The following PRKG1 variants were observed in gnomAD, a reference collection of about 807,000 sequenced individuals.
The protein encoded by PRKG1 is protein kinase cGMP-dependent 1, also known as cGMP-dependent protein kinase 1.
In PRKG1, 35 loss-of-function variants were observed where a neutral mutation model predicts 88.1. That is an observed-to-expected ratio of 0.40 (90% CI 0.30 to 0.53). The LOEUF is 0.53. Ranked by LOEUF, PRKG1 falls within the 20% of genes least tolerant of loss-of-function variation. The probability of loss-of-function intolerance (pLI) is 0.59; values close to 1 mark genes in which losing one functional copy is unlikely to be tolerated. For synonymous variants in PRKG1, 303 were observed against 292.5 expected (o/e 1.04, Z -0.37); for missense variants, 540 against 839.8 (o/e 0.64, Z 4.41).
At chr10:52,232,959 A>G (rs1840561102) in intron 9 of PRKG1, among the ~76,000 whole-genome samples, 1 of 152,224 alleles carries the variant, frequency 6.6e-6, no homozygotes, top group South Asian at 2.1e-4. Flanking sequence ...GAATCCAATC[A>G]GATACTGTCT....
intron 7 of PRKG1, among the ~76,000 whole-genome samples, chr10:52,088,251 CT>C (rs1041086823): frequency 6.6e-6 from 1 of 151,260 alleles, no homozygotes; most frequent in Non-Finnish European, 1.5e-5. Context: ...ATGCCTTGTT[CT>C]TTTTAATGAC....
chr10:51,848,609 T>A (rs1840463342), intron 4 of PRKG1, among the ~76,000 whole-genome samples: 1 of 151,578 alleles, frequency 6.6e-6, no homozygotes, highest in African/African-American at 2.4e-5. Flanking sequence ...GGAGTAGAGT[T>A]CCATTAATTC....
intron 1 of PRKG1, among the ~76,000 whole-genome samples, chr10:51,105,090 C>T (rs946166049): frequency 4.6e-5 from 7 of 152,208 alleles, no homozygotes; most frequent in African/African-American, 7.2e-5. Context: ...AGGCTGGTCT[C>T]GAACTTCTGG....
intron 3 of PRKG1, among the ~76,000 whole-genome samples, chr10:51,678,249 G>T (rs1331097434): frequency 1.3e-5 from 2 of 152,106 alleles, no homozygotes; most frequent in Non-Finnish European, 2.9e-5. Context: ...AACAAGCAAG[G>T]GAAGCCATTG....
intron 1 of PRKG1, among the ~76,000 whole-genome samples, chr10:51,040,034 G>A (rs189964062): frequency 5.9e-4 from 90 of 152,102 alleles, no homozygotes; most frequent in African/African-American, 2.0e-3. Context: ...TGTTCTTCTT[G>A]CTTAAGATAA....
Position 52,057,813 on chromosome 10 carries a change from G to A in PRKG1, c.840+3252G>A, listed in dbSNP as rs537239219. Among the ~76,000 whole-genome samples, 19 of 151,896 alleles carry A rather than the reference G, an allele frequency of 1.3e-4. No homozygotes were observed. In the South Asian group the frequency reaches 1.9e-3, roughly 15 times the overall value. On this transcript the variant is annotated intron_variant, in intron 6 of 17. Transcript: ENST00000373980. The stretch of plus-strand genomic sequence containing the variant: ...TGTTTTTTAATATAAAAAGTGTTCC[G>A]TTATGGAAATTTTATTTGCATATGT...
chr10:52,084,035 G>A (rs955601607), intron 7 of PRKG1, among the ~76,000 whole-genome samples: 19 of 152,068 alleles, frequency 1.2e-4, no homozygotes, highest in African/African-American at 4.6e-4. Flanking sequence ...GGACTATAAG[G>A]AACTTTGCTA....
At chr10:51,334,726 G>A (rs549718688) in intron 2 of PRKG1, among the ~76,000 whole-genome samples, 1 of 152,282 alleles carries the variant, frequency 6.6e-6, no homozygotes, top group South Asian at 2.1e-4. Context: ...GGCAGAGAGA[G>A]GGTAAAGGAG....
intron 5 of PRKG1, among the ~76,000 whole-genome samples, chr10:52,010,482 G>A (rs970601918): frequency 6.6e-6 from 1 of 152,008 alleles, no homozygotes; most frequent in Admixed American, 6.6e-5. Flanking sequence ...CTTAAACCAG[G>A]GGTGTTGAAA....
At chr10:51,427,918 TA>T (rs1838638213) in intron 2 of PRKG1, among the ~76,000 whole-genome samples, 2 of 151,846 alleles carry the variant, frequency 1.3e-5, no homozygotes, top group African/African-American at 4.8e-5. Flanking sequence ...AAAAGGAAAA[TA>T]GTAAAGATGC....
intron 3 of PRKG1, among the ~76,000 whole-genome samples, chr10:51,622,515 C>A (rs1321985880): frequency 6.6e-6 from 1 of 152,182 alleles, no homozygotes; most frequent in African/African-American, 2.4e-5. Flanking sequence ...CTTTCTATGA[C>A]AGTTCCAGGG....
At chr10:51,533,303 C>G (rs1409866292) in intron 3 of PRKG1, among the ~76,000 whole-genome samples, 1 of 152,190 alleles carries the variant, frequency 6.6e-6, no homozygotes, top group African/African-American at 2.4e-5. Flanking sequence ...TCTTTTACAT[C>G]TGTTATAGCC....
At chr10:51,395,234 C>T (rs1382887838) in intron 2 of PRKG1, among the ~76,000 whole-genome samples, 1 of 152,220 alleles carries the variant, frequency 6.6e-6, no homozygotes, top group Non-Finnish European at 1.5e-5. Flanking sequence ...CTCTGCATAA[C>T]CTTCCTTGCA....
At chr10:51,505,967 T>A (rs1274966086) in intron 3 of PRKG1, among the ~76,000 whole-genome samples, 2 of 152,080 alleles carry the variant, frequency 1.3e-5, no homozygotes, top group Non-Finnish European at 2.9e-5. Context: ...GTGTCTCTAT[T>A]TCCTTCAGTT....
chr10:51,957,533 T>A (rs1439514839), intron 5 of PRKG1, among the ~76,000 whole-genome samples: 1 of 152,104 alleles, frequency 6.6e-6, no homozygotes, highest in African/African-American at 2.4e-5. Context: ...GCTCAAGCAA[T>A]CTTCCCATAC....
At chr10:52,123,342 A>C (rs1369554672) in intron 7 of PRKG1, among the ~76,000 whole-genome samples, 1 of 152,146 alleles carries the variant, frequency 6.6e-6, no homozygotes, top group Non-Finnish European at 1.5e-5. Context: ...AGGAAGAATA[A>C]ACCTTGGAGT....
chr10:51,946,613 G>A (rs1365703126), intron 5 of PRKG1, among the ~76,000 whole-genome samples: 1 of 151,972 alleles, frequency 6.6e-6, no homozygotes, highest in Non-Finnish European at 1.5e-5. Flanking sequence ...GGTCTTTGAT[G>A]ATGGTGATGT....
intron 2 of PRKG1, among the ~76,000 whole-genome samples, chr10:51,157,100 C>T (rs1286537816): frequency 6.6e-6 from 1 of 151,846 alleles, no homozygotes; most frequent in East Asian, 1.9e-4. Flanking sequence ...TTATTGCATA[C>T]CTAAATGCCA....
At chr10:51,067,022 A>T (rs918868165) in intron 1 of PRKG1, among the ~76,000 whole-genome samples, 3 of 151,986 alleles carry the variant, frequency 2.0e-5, no homozygotes, top group Non-Finnish European at 4.4e-5. Flanking sequence ...TTTTCTAGAA[A>T]ATATGTGTCT....
Sources: gnomAD v4.1 joint callset for allele counts (sites outside exome capture counted in the v4.1 genomes callset) on GRCh38, gnomAD v4.1.1 for gene constraint, MANE v1.5 for transcripts, NCBI Gene and HGNC (gene_info 2026-07-23, HGNC 2026-07-21) for gene names.